Variants in PABPC4L observed in about 807,000 individuals in gnomAD.
The protein encoded by PABPC4L is poly(A) binding protein cytoplasmic 4 like.
For synonymous variants in PABPC4L, 169 were observed against 164.1 expected (o/e 1.03, Z -0.23); for missense variants, 452 against 451.4 (o/e 1.00, Z -0.01).
the PABPC4L span, among the ~76,000 whole-genome samples, chr4:133,997,171 C>A: frequency 6.6e-6 from 1 of 152,108 alleles, no homozygotes; most frequent in Non-Finnish European, 1.5e-5. Flanking sequence ...AATCCTAAAA[C>A]GACCTCTAAG....
the PABPC4L span, among the ~76,000 whole-genome samples, chr4:134,058,177 C>T: frequency 2.0e-5 from 3 of 151,476 alleles, no homozygotes; most frequent in African/African-American, 4.9e-5. Flanking sequence ...ATTGAGACTA[C>T]TTAAAAAGTA....
the PABPC4L span, among the ~76,000 whole-genome samples, chr4:134,176,485 A>C: frequency 6.6e-6 from 1 of 152,180 alleles, no homozygotes; most frequent in African/African-American, 2.4e-5. Context: ...AAATAATAAT[A>C]ATGATAATAA....
chr4:134,133,175 A>G, the PABPC4L span, among the ~76,000 whole-genome samples: 1 of 127,870 alleles, frequency 7.8e-6, no homozygotes, highest in Non-Finnish European at 1.5e-5. Flanking sequence ...TACATATATG[A>G]TTATATGTAA....
Position 134,201,041 on chromosome 4 carries a change from A to G in PABPC4L, c.-22T>C, listed in dbSNP as rs1477234508. On this transcript the variant is annotated 5_prime_UTR_variant, in exon 2 of 2. Coordinates refer to ENST00000421491, the MANE Select transcript of PABPC4L (RefSeq NM_001114734.2). ...TCATCTCCTTGTCCTTGCCACTGTG[A>G]GTTTGTCCCCTGGAGTTCTTTGAGC... is the stretch of plus-strand genomic sequence containing the variant. 6.4e-7 allele frequency: 1 copy of G among 1,551,424 alleles called. No individual in the cohort carries two copies. The highest frequency in any genetic ancestry group is 2.4e-5 in the East Asian group (1 of 40,880).
the PABPC4L span, among the ~76,000 whole-genome samples, chr4:134,182,485 A>C: frequency 6.6e-6 from 1 of 152,066 alleles, no homozygotes; most frequent in East Asian, 1.9e-4. Flanking sequence ...TAAAGCCCAA[A>C]ACTATAAAAA....
At chr4:134,039,529 G>A in the PABPC4L span, among the ~76,000 whole-genome samples, 1 of 152,044 alleles carries the variant, frequency 6.6e-6, no homozygotes, top group East Asian at 1.9e-4. Flanking sequence ...TATATATTTA[G>A]GATAGTTAGT....
the PABPC4L span, among the ~76,000 whole-genome samples, chr4:134,155,366 C>T: frequency 2.6e-5 from 4 of 151,136 alleles, no homozygotes; most frequent in African/African-American, 9.7e-5. Flanking sequence ...CCCCAACACA[C>T]ATTATCTATT....
At chr4:134,177,303 A>G in the PABPC4L span, among the ~76,000 whole-genome samples, 124 of 150,526 alleles carry the variant, frequency 8.2e-4, no homozygotes, top group African/African-American at 3.0e-3. Flanking sequence ...TGGCCTCCCA[A>G]CAGCTGGGAC....
chr4:133,995,630 T>A, the PABPC4L span, among the ~76,000 whole-genome samples: 3 of 152,152 alleles, frequency 2.0e-5, no homozygotes, highest in African/African-American at 7.2e-5. Context: ...CTTTTGAGAA[T>A]TTGGTCCCAA....
At chr4:134,128,103 G>A in the PABPC4L span, among the ~76,000 whole-genome samples, 4 of 151,844 alleles carry the variant, frequency 2.6e-5, no homozygotes, top group African/African-American at 7.3e-5. Context: ...CCAATTTGAC[G>A]AAGACAAAGA....
chr4:133,979,966 T>C, the PABPC4L span, among the ~76,000 whole-genome samples: 3 of 152,176 alleles, frequency 2.0e-5, no homozygotes, highest in African/African-American at 4.8e-5. Context: ...TTTCTAGCTT[T>C]AATTTGGTTC....
At chr4:134,075,666 AT>A in the PABPC4L span, among the ~76,000 whole-genome samples, 1 of 152,078 alleles carries the variant, frequency 6.6e-6, no homozygotes, top group Non-Finnish European at 1.5e-5. Context: ...AACTCTAAAA[AT>A]CTGTAGTCAG....
the PABPC4L span, among the ~76,000 whole-genome samples, chr4:133,979,538 G>C: frequency 6.6e-6 from 1 of 152,064 alleles, no homozygotes; most frequent in Non-Finnish European, 1.5e-5. Context: ...TTCACTATAG[G>C]ACTGTGCATC....
chr4:134,183,245 G>T, the PABPC4L span, among the ~76,000 whole-genome samples: 1 of 151,846 alleles, frequency 6.6e-6, no homozygotes, highest in Middle Eastern at 3.4e-3. Context: ...AGAAAATATG[G>T]TACCTATACA....
the PABPC4L span, among the ~76,000 whole-genome samples, chr4:134,117,789 A>G: frequency 5.9e-5 from 9 of 151,806 alleles, no homozygotes; most frequent in African/African-American, 9.7e-5. Context: ...TTAGCCCATC[A>G]TGCTGTGGGA....
chr4:134,142,612 A>G, the PABPC4L span, among the ~76,000 whole-genome samples: 3 of 151,530 alleles, frequency 2.0e-5, no homozygotes, highest in Non-Finnish European at 3.0e-5. Flanking sequence ...CCGTGTTGTC[A>G]AGAAATACAA....
At chr4:134,031,742 G>A in the PABPC4L span, among the ~76,000 whole-genome samples, 6 of 151,842 alleles carry the variant, frequency 4.0e-5, no homozygotes, top group Non-Finnish European at 1.5e-5. Context: ...AAATAAGAGA[G>A]ATGATATGGG....
chr4:134,193,408 A>G (rs1379466151), downstream of PABPC4L, among the ~76,000 whole-genome samples: 1 of 151,930 alleles, frequency 6.6e-6, no homozygotes, highest in African/African-American at 2.4e-5. Context: ...AAAAATATAA[A>G]TATTTGAAGG....
the PABPC4L span, among the ~76,000 whole-genome samples, chr4:134,006,455 G>A: frequency 6.6e-6 from 1 of 151,874 alleles, no homozygotes; most frequent in Admixed American, 6.6e-5. Flanking sequence ...CATGTCCCAA[G>A]CATATGCTAC....
Sources: gnomAD v4.1 joint callset for allele counts (sites outside exome capture counted in the v4.1 genomes callset) on GRCh38, gnomAD v4.1.1 for gene constraint, MANE v1.5 for transcripts, NCBI Gene and HGNC (gene_info 2026-07-23, HGNC 2026-07-21) for gene names.